The following KLHL29 variants were observed in gnomAD, a reference collection of about 807,000 sequenced individuals.
The protein encoded by KLHL29 is kelch like family member 29.
A neutral mutation model predicts 80.4 loss-of-function variants in KLHL29; 21 were observed. The observed-to-expected ratio is 0.26, with a 90% CI of 0.19 to 0.38. The LOEUF is 0.38. Ranked by LOEUF, KLHL29 falls within the 10% of genes least tolerant of loss-of-function variation. KLHL29 has a pLI of 1.00. For synonymous variants in KLHL29, 511 were observed against 526.8 expected, an observed-to-expected ratio of 0.97 and a Z score of 0.41; for missense variants, 867 against 1,223.9, an observed-to-expected ratio of 0.71 and a Z score of 4.35.
chr2:23,482,447 C>T (rs138680818), intron 2 of KLHL29, among the ~76,000 whole-genome samples: 1 of 152,354 alleles, frequency 6.6e-6, no homozygotes, highest in East Asian at 1.9e-4. Flanking sequence ...GACCCCCAGC[C>T]TGTGCTCTGG....
intron 2 of KLHL29, among the ~76,000 whole-genome samples, chr2:23,545,041 A>C (rs1047765912): frequency 1.3e-5 from 2 of 152,190 alleles, no homozygotes; most frequent in African/African-American, 4.8e-5. Context: ...GAAGGAAGGA[A>C]GGAGACGTGT....
At chr2:23,400,033 A>G (rs1666548907) in intron 1 of KLHL29, among the ~76,000 whole-genome samples, 1 of 152,156 alleles carries the variant, frequency 6.6e-6, no homozygotes. Flanking sequence ...ACCACTGGGG[A>G]GTGTCCCGGC....
intron 1 of KLHL29, among the ~76,000 whole-genome samples, chr2:23,420,080 G>A (rs1031260330): frequency 4.6e-5 from 7 of 152,122 alleles, no homozygotes; most frequent in South Asian, 2.1e-4. Context: ...TGGCCGGCAC[G>A]GGGGGTCCTA....
chr2:23,408,858 G>C (rs1030644880), intron 1 of KLHL29, among the ~76,000 whole-genome samples: 1 of 152,166 alleles, frequency 6.6e-6, no homozygotes, highest in African/African-American at 2.4e-5. Context: ...GTAGCATCAT[G>C]TATTTGGGGC....
At chr2:23,524,659 A>T (rs962338230) in intron 2 of KLHL29, among the ~76,000 whole-genome samples, 3 of 152,152 alleles carry the variant, frequency 2.0e-5, no homozygotes, top group Non-Finnish European at 4.4e-5. Flanking sequence ...CTCTGATTCG[A>T]TCTGTTCCGT....
At chr2:23,650,658 T>G (rs1670064852) in intron 5 of KLHL29, among the ~76,000 whole-genome samples, 1 of 152,212 alleles carries the variant, frequency 6.6e-6, no homozygotes, top group African/African-American at 2.4e-5. Context: ...TGGGGGCCAT[T>G]AACCCCTGAC....
chr2:23,640,873 T>TGGCTCTCCCTTGGACAGTGGGC, intron 4 of KLHL29, among the ~76,000 whole-genome samples: 2 of 152,174 alleles, frequency 1.3e-5, no homozygotes, highest in African/African-American at 4.8e-5. Flanking sequence ...CACCAGCTGG[T>TGGCTCTCCCTTGGACAGTGGGC]GGCTCTCCCT....
intron 3 of KLHL29, among the ~76,000 whole-genome samples, chr2:23,603,621 G>A (rs544598534): frequency 5.3e-5 from 8 of 152,346 alleles, no homozygotes; most frequent in Admixed American, 2.0e-4. Flanking sequence ...CGAGGAGGCT[G>A]GCCGGGAAAG....
At chr2:23,438,317 A>C (rs976973401) in intron 1 of KLHL29, among the ~76,000 whole-genome samples, 5 of 151,060 alleles carry the variant, frequency 3.3e-5, no homozygotes, top group South Asian at 2.1e-4. Flanking sequence ...TCTCCTGCCT[A>C]ATTGCCCTGG....
chr2:23,526,291 G>C (rs879881322), intron 2 of KLHL29, among the ~76,000 whole-genome samples: 8 of 152,118 alleles, frequency 5.3e-5, no homozygotes, highest in Non-Finnish European at 8.8e-5. Flanking sequence ...CGTCACAGGG[G>C]AGGGGAAACC....
chr2:23,563,107 C>T (rs1015472759), intron 3 of KLHL29, among the ~76,000 whole-genome samples: 1 of 152,210 alleles, frequency 6.6e-6, no homozygotes, highest in East Asian at 1.9e-4. Flanking sequence ...GGACTTGTCC[C>T]CACAGCTGGC....
chr2:23,525,345 T>C (rs954564273), intron 2 of KLHL29, among the ~76,000 whole-genome samples: 4 of 152,254 alleles, frequency 2.6e-5, no homozygotes, highest in Non-Finnish European at 5.9e-5. Context: ...AGAATTTATT[T>C]CTTCTTTTCT....
chr2:23,439,296 T>G lies in KLHL29; in HGVS notation c.-153-36264T>G, dbSNP rs540940976. On this transcript the variant is annotated intron_variant, in intron 1 of 13. Transcript: ENST00000486442. ...TCATTAATTTTTTGAAGGGTTTTTT[T>G]TGTCTTCATTTCCTTCAGTTCTGCT... Among the ~76,000 whole-genome samples, 353 of 152,272 alleles carry G rather than the reference T, an allele frequency of 2.3e-3. 1 individual carries two copies. Among genetic ancestry groups the G allele is most frequent in the Middle Eastern group, 6.8e-3 (2 of 294 alleles).
chr2:23,433,984 G>A (rs966923536), intron 1 of KLHL29, among the ~76,000 whole-genome samples: 1 of 152,010 alleles, frequency 6.6e-6, no homozygotes, highest in African/African-American at 2.4e-5. Context: ...AGTGTTTGAG[G>A]GTATGTGTCT....
chr2:23,453,398 A>T (rs536497005), intron 1 of KLHL29, among the ~76,000 whole-genome samples: 20 of 152,260 alleles, frequency 1.3e-4, no homozygotes, highest in Admixed American at 9.8e-4. Flanking sequence ...GGACTTTGCT[A>T]ACAATGCATC....
At chr2:23,444,978 T>C (rs1434930063) in intron 1 of KLHL29, among the ~76,000 whole-genome samples, 1 of 152,258 alleles carries the variant, frequency 6.6e-6, no homozygotes, top group East Asian at 1.9e-4. Flanking sequence ...AGGTCCTCAA[T>C]GTCATCCATA....
chr2:23,451,210 C>T (rs887087172), intron 1 of KLHL29, among the ~76,000 whole-genome samples: 1 of 152,178 alleles, frequency 6.6e-6, no homozygotes, highest in Non-Finnish European at 1.5e-5. Context: ...CTGTGTCTGT[C>T]TCCTCATCTT....
At chr2:23,402,334 C>T (rs542741408) in intron 1 of KLHL29, among the ~76,000 whole-genome samples, 2 of 152,332 alleles carry the variant, frequency 1.3e-5, no homozygotes, top group South Asian at 2.1e-4. Flanking sequence ...ATTCCTTCAC[C>T]GGGGTGTGAA....
chr2:23,595,823 C>T (rs1415828102), intron 3 of KLHL29, among the ~76,000 whole-genome samples: 1 of 152,162 alleles, frequency 6.6e-6, no homozygotes. Flanking sequence ...ACCAGGATCC[C>T]AGCTCTCCCA....
Sources: allele counts gnomAD v4.1 joint callset (sites outside exome capture counted in the v4.1 genomes callset), GRCh38; gene constraint gnomAD v4.1.1; transcripts MANE v1.5; gene names NCBI Gene and HGNC (gene_info 2026-07-23, HGNC 2026-07-21).